PDE4B: variants seen among roughly 807,000 people sequenced by gnomAD.
PDE4B encodes the protein 3',5'-cyclic-AMP phosphodiesterase 4B.
Under a neutral mutation model 82.2 loss-of-function variants are expected in PDE4B, and 20 were observed. The ratio of observed to expected loss-of-function variants is 0.24; its 90% CI spans 0.17 to 0.35. PDE4B has a LOEUF of 0.35. Among genes scored for constraint, PDE4B ranks in the 10% least tolerant of loss-of-function variants. The probability of loss-of-function intolerance (pLI) is 1.00; values close to 1 mark genes in which losing one functional copy is unlikely to be tolerated. For missense variants in PDE4B, 655 were observed against 907.2 expected (o/e 0.72, Z 3.57); for synonymous variants, 320 against 318.9 (o/e 1.00, Z -0.04).
At chr1:66,088,220 C>A (rs1644937120) in intron 3 of PDE4B, among the ~76,000 whole-genome samples, 1 of 151,924 alleles carries the variant, frequency 6.6e-6, no homozygotes, top group East Asian at 1.9e-4. Flanking sequence ...AGGGAATTGG[C>A]TGGTGCTATG....
intron 3 of PDE4B, among the ~76,000 whole-genome samples, chr1:66,206,081 G>A (rs1649527194): frequency 6.6e-6 from 1 of 152,148 alleles, no homozygotes; most frequent in African/African-American, 2.4e-5. Flanking sequence ...ATGGAAGTGT[G>A]GCTTCCAAGT....
intron 3 of PDE4B, among the ~76,000 whole-genome samples, chr1:66,185,207 A>T (rs945138809): frequency 2.6e-5 from 4 of 152,200 alleles, no homozygotes; most frequent in Non-Finnish European, 5.9e-5. Context: ...TACATGGTGT[A>T]TATGTGCCTC....
At chr1:66,079,256 G>T (rs1656602098) in intron 3 of PDE4B, among the ~76,000 whole-genome samples, 1 of 148,408 alleles carries the variant, frequency 6.7e-6, no homozygotes, top group Non-Finnish European at 1.5e-5. Context: ...ATTTTCAGTG[G>T]ACCCTGGGGA....
At chr1:66,038,775 G>A (rs908980733) in intron 3 of PDE4B, among the ~76,000 whole-genome samples, 1 of 152,124 alleles carries the variant, frequency 6.6e-6, no homozygotes, top group Admixed American at 6.5e-5. Flanking sequence ...AATAGCTTAA[G>A]AGTGAAAGAC....
At chr1:66,120,447 C>T (rs1269842031) in intron 3 of PDE4B, among the ~76,000 whole-genome samples, 1 of 152,288 alleles carries the variant, frequency 6.6e-6, no homozygotes, top group East Asian at 1.9e-4. Context: ...CATCATGGAT[C>T]TCTGACTCCT....
At chr1:66,262,397 C>T (rs1028912743) in intron 6 of PDE4B, among the ~76,000 whole-genome samples, 2 of 152,184 alleles carry the variant, frequency 1.3e-5, no homozygotes, top group Non-Finnish European at 2.9e-5. Context: ...AAGGGCTATA[C>T]AGTGGGAAGG....
intron 7 of PDE4B, chr1:66,330,646 C>G (rs1467844117): frequency 8.1e-6 from 3 of 368,164 alleles, no homozygotes; most frequent in African/African-American, 2.2e-5. Flanking sequence ...AGTGGTTGGA[C>G]TTTTTCCTTT....
At chr1:65,796,692 C>G (rs1645635625) in intron 1 of PDE4B, among the ~76,000 whole-genome samples, 1 of 142,746 alleles carries the variant, frequency 7.0e-6, no homozygotes, top group Non-Finnish European at 1.5e-5. Flanking sequence ...CTCTGTCACC[C>G]AGGCTGGAGT....
At chr1:66,325,183 C>T (rs1282925814) in intron 7 of PDE4B, among the ~76,000 whole-genome samples, 1 of 152,146 alleles carries the variant, frequency 6.6e-6, no homozygotes. Context: ...AGGAGCAACC[C>T]AAACGTAAGA....
At chr1:65,970,424 GT>G (rs1650069618) in intron 3 of PDE4B, among the ~76,000 whole-genome samples, 1 of 152,032 alleles carries the variant, frequency 6.6e-6, no homozygotes, top group South Asian at 2.1e-4. Context: ...GGAGGTATTA[GT>G]GTAATATATT....
chr1:65,861,974 T>C (rs866987307), intron 1 of PDE4B, among the ~76,000 whole-genome samples: 7 of 152,152 alleles, frequency 4.6e-5, no homozygotes, highest in African/African-American at 1.7e-4. Flanking sequence ...TTTCTAAATA[T>C]AGAATAATGT....
chr1:66,217,886 C>T (rs1026505929), intron 3 of PDE4B, among the ~76,000 whole-genome samples: 6 of 152,036 alleles, frequency 3.9e-5, no homozygotes, highest in Middle Eastern at 3.4e-3. Flanking sequence ...TAGCTTGAGA[C>T]GAGATCATTG....
At position 65,963,629 on chromosome 1, in the gene PDE4B, GA is replaced by G. The variant is rs1390324301; in HGVS notation, c.281+44798del. Among the ~76,000 whole-genome samples, 5 of 152,290 alleles carry G rather than the reference GA, an allele frequency of 3.3e-5. No homozygotes were observed. In the East Asian group the frequency reaches 7.7e-4, roughly 24 times the overall value. On this transcript the variant is annotated intron_variant, in intron 3 of 16. Transcript: ENST00000341517. Reference sequence around the variant, plus strand: ...GTCAAGTTCTAGGCTTCCTTGAGCAGAAAATGAAGTTTATTAACTCAGTTAT... The same window carrying G: ...GTCAAGTTCTAGGCTTCCTTGAGCAGAAATGAAGTTTATTAACTCAGTTAT...
chr1:66,320,528 G>C (rs1305581305), intron 7 of PDE4B, among the ~76,000 whole-genome samples: 2 of 152,120 alleles, frequency 1.3e-5, no homozygotes, highest in African/African-American at 4.8e-5. Flanking sequence ...AAAGAACAAA[G>C]GACAAGTATT....
At chr1:65,825,726 CT>C (rs987822140) in intron 1 of PDE4B, among the ~76,000 whole-genome samples, 1 of 151,716 alleles carries the variant, frequency 6.6e-6, no homozygotes, top group East Asian at 1.9e-4. Context: ...ATCTATCTAT[CT>C]ATCTATCTAT....
intron 3 of PDE4B, among the ~76,000 whole-genome samples, chr1:66,187,744 C>G (rs549236240): frequency 6.6e-6 from 1 of 151,746 alleles, no homozygotes; most frequent in African/African-American, 2.4e-5. Flanking sequence ...ATTAGTCTTG[C>G]TAGCGGTCTA....
chr1:65,896,502 G>C (rs1156382018), intron 1 of PDE4B, among the ~76,000 whole-genome samples: 1 of 152,148 alleles, frequency 6.6e-6, no homozygotes, highest in Non-Finnish European at 1.5e-5. Context: ...CACACAGTCT[G>C]TGTAATGACA....
intron 3 of PDE4B, among the ~76,000 whole-genome samples, chr1:66,042,944 C>T (rs140354798): frequency 1.3e-5 from 2 of 151,754 alleles, no homozygotes; most frequent in Non-Finnish European, 3.0e-5. Flanking sequence ...TAGTTCTTTG[C>T]AGTGCAGTCT....
At chr1:65,802,565 C>T (rs1348651849) in intron 1 of PDE4B, among the ~76,000 whole-genome samples, 1 of 152,004 alleles carries the variant, frequency 6.6e-6, no homozygotes, top group Non-Finnish European at 1.5e-5. Context: ...AAAATTGGTA[C>T]CTCCCCCAAA....
Sources: allele counts gnomAD v4.1 joint callset (sites outside exome capture counted in the v4.1 genomes callset), GRCh38; gene constraint gnomAD v4.1.1; transcripts MANE v1.5; gene names NCBI Gene and HGNC (gene_info 2026-07-23, HGNC 2026-07-21).